Variants in G6PC1 observed in about 807,000 individuals in gnomAD.
G6PC1 encodes glucose-6-phosphatase catalytic subunit 1.
Under a neutral mutation model 30.4 loss-of-function variants are expected in G6PC1, and 23 were observed. That is an observed-to-expected ratio of 0.76 (90% CI 0.55 to 1.07). The LOEUF (loss-of-function observed/expected upper bound fraction) is 1.07. Among genes scored for constraint, G6PC1 ranks in the 50% least tolerant of loss-of-function variants. G6PC1 has a pLI of 0.00. For missense variants in G6PC1, 391 were observed against 433.9 expected (o/e 0.90, Z 0.88); for synonymous variants, 163 against 175.6 (o/e 0.93, Z 0.57).
intron 1 of G6PC1, among the ~76,000 whole-genome samples, chr17:42,902,894 C>T (rs932029761): frequency 2.6e-5 from 4 of 152,032 alleles, no homozygotes; most frequent in African/African-American, 9.7e-5. Flanking sequence ...GGGGGGGGCT[C>T]GTCCTAGGGG....
chr17:42,904,421 T>G (rs1567703939), intron 2 of G6PC1, among the ~76,000 whole-genome samples: 1 of 152,174 alleles, frequency 6.6e-6, no homozygotes, highest in Non-Finnish European at 1.5e-5. Flanking sequence ...GCCCTCTCTG[T>G]GCCTACGTTT....
rs1567706328 is a variant in G6PC1 at position 42,911,041 on chromosome 17, T to G, written c.689T>G (p.Leu230Arg). Residue 230 changes from leucine (L) to arginine (R), a missense_variant, in exon 5 of 5, where the codon CTG becomes CGG. Transcript: ENST00000253801. ...GGATTTTATCTGCTGCTCAAGGGAC[T>G]GGGTGTAGACCTCCTGTGGACTCTG... The part of the protein sequence containing the change: ...AIGFYLLLKG[L>R]GVDLLWTLEK... 2.5e-6 allele frequency: 4 copies of G among 1,614,238 alleles called. No individual in the cohort carries two copies. Among genetic ancestry groups the G allele is most frequent in the South Asian group, 1.1e-5 (1 of 91,088 alleles).
In G6PC1 at chr17:42,904,015, C is replaced by G; in HGVS notation, c.315C>G (p.Phe105Leu). The change falls in exon 2 of 5, where the codon TTC (phenylalanine) becomes TTG (leucine). Residue 105 changes from phenylalanine to leucine, a missense_variant. Transcript: ENST00000253801. ...CTTCCGTGCCCCTGATAAAGCAGTT[C>G]CCTGTAACCTGTGAGACTGGACCAG... The part of the protein sequence containing the change: ...SNTSVPLIKQ[F>L]PVTCETGPGS... 6.2e-7 allele frequency: 1 copy of G among 1,613,752 alleles called. No homozygotes were observed. Among genetic ancestry groups the G allele is most frequent in the Admixed American group, 1.7e-5 (1 of 60,008 alleles).
At position 42,913,140 on chromosome 17, in the gene G6PC1, G is replaced by A. The variant is rs1464068412; in HGVS notation, c.*1714G>A. On this transcript the variant is annotated 3_prime_UTR_variant, in exon 5 of 5. Transcript: ENST00000253801. ...TTTTCAATCTCATCTGATATGCAGA[G>A]TATTTCTGCCCCACCCACCTACCCC... The A allele has an allele frequency of 6.6e-6, 1 of 151,974 alleles. No individual in the cohort carries two copies. The highest frequency in any genetic ancestry group is 1.5e-5 in the Non-Finnish European group (1 of 68,048). The allele number at this position is 151,974 out of a possible 1,614,324, so 9.4% of individuals were successfully genotyped here.
intron 4 of G6PC1, 40 bp from the exon 5 acceptor site, chr17:42,910,875 A>G (rs887055303): frequency 6.2e-7 from 1 of 1,608,750 alleles, no homozygotes; most frequent in Non-Finnish European, 8.5e-7. Flanking sequence ...AAGGTCCCAA[A>G]TCCTTCCTAT....
At chr17:42,908,773 G>A (rs889253145) in intron 3 of G6PC1, among the ~76,000 whole-genome samples, 9 of 142,790 alleles carry the variant, frequency 6.3e-5, no homozygotes, top group Admixed American at 2.2e-4. Flanking sequence ...GCGCAGTCTC[G>A]GCTCACTGTA....
rs181409705 is a variant in G6PC1, at chr17:42,902,349, G to A, written c.230+1243G>A. 2.0e-3 allele frequency among the ~76,000 whole-genome samples: 308 copies of A among 152,238 alleles called. 2 individuals are homozygous for A. Among genetic ancestry groups the A allele is most frequent in the Middle Eastern group, 0.014 (4 of 294 alleles). On this transcript the variant is annotated intron_variant, in intron 1 of 4. Transcript: ENST00000253801. ...TGCAACCTCTGCCTCTCCGGTTCAA[G>A]TGATTCTCCTGCCTCAGCCTCCCAA...
chr17:42,909,919 G>T (rs2056085121), intron 4 of G6PC1, among the ~76,000 whole-genome samples: 1 of 150,814 alleles, frequency 6.6e-6, no homozygotes, highest in Non-Finnish European at 1.5e-5. Context: ...CTAGAGTGCA[G>T]TGGTGCGATC....
At chr17:42,907,910 G>A (rs2056071979) in intron 3 of G6PC1, among the ~76,000 whole-genome samples, 1 of 152,184 alleles carries the variant, frequency 6.6e-6, no homozygotes, top group Non-Finnish European at 1.5e-5. Flanking sequence ...TAGCAGCAGG[G>A]CTTAAATAAA....
chr17:42,907,762 G>C, intron 3 of G6PC1, 134 bp downstream of exon 3: 1 of 701,498 alleles, frequency 1.4e-6, no homozygotes, highest in Non-Finnish European at 2.6e-6. Flanking sequence ...TAAGAGTTGT[G>C]GCACTTTGGA....
At chr17:42,906,525 G>C (rs965875881) in intron 2 of G6PC1, among the ~76,000 whole-genome samples, 1 of 152,116 alleles carries the variant, frequency 6.6e-6, no homozygotes, top group Non-Finnish European at 1.5e-5. Flanking sequence ...GTTCAGGAGG[G>C]AGGTCTGGGC....
chr17:42,901,225 T>C, intron 1 of G6PC1, 119 bp downstream of exon 1: 8 of 832,552 alleles, frequency 9.6e-6, no homozygotes, highest in Non-Finnish European at 1.7e-5. Flanking sequence ...CTACTCATGC[T>C]TCCAACCCCT....
At chr17:42,903,889 A>G in intron 1 of G6PC1, 42 bp from the exon 2 acceptor site, 1 of 1,328,360 alleles carries the variant, frequency 7.5e-7, no homozygotes, top group Admixed American at 1.7e-5. Flanking sequence ...GGGCAAAAGC[A>G]TTCATTCAGT....
Position 42,905,427 on chromosome 17 carries a change from A to AT in G6PC1, c.340+1387_340+1388insT, listed in dbSNP as rs1234141595. 2.6e-3 allele frequency among the ~76,000 whole-genome samples: 341 copies of AT among 132,616 alleles called. 2 individuals carry two copies. The highest frequency in any genetic ancestry group is 9.8e-3 in the South Asian group (41 of 4,192). The allele number at this position is 132,616 out of a possible 152,430, so 87.0% of individuals were successfully genotyped here. ...TGAGACACCATCTGAAAAAAAAAAA[A>AT]AAATATATATATATATACACACACA... is the stretch of plus-strand genomic sequence containing the variant. On this transcript the variant is annotated intron_variant, in intron 2 of 4. Coordinates refer to ENST00000253801, the MANE Select transcript of G6PC1 (RefSeq NM_000151.4).
Position 42,910,191 on chromosome 17 carries a change from C to T in G6PC1, c.563-724C>T, listed in dbSNP as rs139800056. ...TTAGATCCAATTAACAAGGGTAAGACAAGATTTAAGTTAAGCATAAGAAAG... is the reference window on the plus strand; with the variant it reads ...TTAGATCCAATTAACAAGGGTAAGATAAGATTTAAGTTAAGCATAAGAAAG... On this transcript the variant is annotated intron_variant, in intron 4 of 4. Coordinates refer to ENST00000253801, the MANE Select transcript of G6PC1 (RefSeq NM_000151.4). Among the ~76,000 whole-genome samples the T allele has an allele frequency of 3.5e-3, 535 of 152,148 alleles. 1 individual carries two copies. Among genetic ancestry groups the T allele is most frequent in the Non-Finnish European group, 6.2e-3 (425 of 68,002 alleles).
chr17:42,910,863 C>A, intron 4 of G6PC1, 52 bp from the exon 5 acceptor site: 2 of 1,584,664 alleles, frequency 1.3e-6, no homozygotes, highest in Non-Finnish European at 8.7e-7. Context: ...CCACCTCTAG[C>A]AAAGGTCCCA....
intron 2 of G6PC1, chr17:42,904,258 C>T: frequency 1.9e-6 from 1 of 530,518 alleles, no homozygotes; most frequent in South Asian, 1.9e-5. Flanking sequence ...TCCAGAGAGG[C>T]ACGGGCATCC....
At chr17:42,904,283 C>G (rs1039362765) in intron 2 of G6PC1, 5 of 489,916 alleles carry the variant, frequency 1.0e-5, no homozygotes, top group African/African-American at 2.0e-5. Context: ...GCAAAGGGCT[C>G]GTGAGAGTCA....
chr17:42,901,634 G>A (rs1010966686), intron 1 of G6PC1, among the ~76,000 whole-genome samples: 3 of 151,812 alleles, frequency 2.0e-5, no homozygotes, highest in East Asian at 1.9e-4. Flanking sequence ...GGTGAGAGGC[G>A]GAGGAGGTTG....
Sources: gnomAD v4.1 joint callset for allele counts (sites outside exome capture counted in the v4.1 genomes callset) on GRCh38, gnomAD v4.1.1 for gene constraint, MANE v1.5 for transcripts, NCBI Gene and HGNC (gene_info 2026-07-23, HGNC 2026-07-21) for gene names.